Variants in GUCY1B1 observed in about 807,000 individuals in gnomAD.
The protein encoded by GUCY1B1 is guanylate cyclase soluble subunit beta-1.
Under a neutral mutation model 71.0 loss-of-function variants are expected in GUCY1B1, and 43 were observed. The ratio of observed to expected loss-of-function variants is 0.61; its 90% CI spans 0.47 to 0.78. GUCY1B1 has a LOEUF of 0.78. Among genes scored for constraint, GUCY1B1 ranks in the 30% least tolerant of loss-of-function variants. The pLI, the probability that GUCY1B1 is intolerant of heterozygous loss-of-function variation, is 0.00. For missense variants in GUCY1B1, 535 were observed against 754.1 expected (o/e 0.71, Z 3.40); for synonymous variants, 266 against 259.7 (o/e 1.02, Z -0.23).
chr4:155,776,633 G>GCACC, intron 3 of GUCY1B1, among the ~76,000 whole-genome samples: 1 of 152,098 alleles, frequency 6.6e-6, no homozygotes, highest in South Asian at 2.1e-4. Context: ...TCCTACCAGT[G>GCACC]CACTACAGCC....
rs17033497 is a variant in GUCY1B1, at chr4:155,778,397, T to C, written c.297+755T>C. 8.0e-3 allele frequency among the ~76,000 whole-genome samples: 1,214 copies of C among 152,332 alleles called. 13 individuals carry two copies. Among genetic ancestry groups the C allele is most frequent in the South Asian group, 0.021 (103 of 4,826 alleles). ...AAATGTGTTAACATTGAAAATTATATAGTTGTTTGCAAAGGATATTTCTAA... is the reference window on the plus strand; with the variant it reads ...AAATGTGTTAACATTGAAAATTATACAGTTGTTTGCAAAGGATATTTCTAA... On this transcript the variant is annotated intron_variant, in intron 4 of 13. Coordinates refer to ENST00000264424, the MANE Select transcript of GUCY1B1 (RefSeq NM_000857.5).
Position 155,802,074 on chromosome 4 carries a change from C to G in GUCY1B1, c.1176-268C>G, listed in dbSNP as rs1258013046. 4.7e-6 allele frequency: 3 copies of G among 635,146 alleles called. No individual in the cohort carries two copies. The highest frequency in any genetic ancestry group is 5.3e-6 in the Non-Finnish European group (2 of 377,908). The allele number at this position is 635,146 out of a possible 1,614,324, so 39.3% of individuals were successfully genotyped here. On this transcript the variant is annotated intron_variant, in intron 9 of 13. Coordinates refer to ENST00000264424, the MANE Select transcript of GUCY1B1 (RefSeq NM_000857.5). The surrounding 1 kb of genome is among the most constrained non-coding windows in gnomAD (Gnocchi z 4.3). ...TCTATTACCAGTCTTTTTGTTTTGTCTGTTTGCTTGGCTTATTTTGATTTG... is the reference window on the plus strand; with the variant it reads ...TCTATTACCAGTCTTTTTGTTTTGTGTGTTTGCTTGGCTTATTTTGATTTG...
intron 2 of GUCY1B1, among the ~76,000 whole-genome samples, chr4:155,762,786 C>A (rs1737081669): frequency 6.6e-6 from 1 of 152,124 alleles, no homozygotes; most frequent in Non-Finnish European, 1.5e-5. Flanking sequence ...AAAAATATAA[C>A]CACTTAAAAA....
chr4:155,792,769 G>C (rs1469641679), intron 5 of GUCY1B1, among the ~76,000 whole-genome samples: 1 of 152,022 alleles, frequency 6.6e-6, no homozygotes, highest in Non-Finnish European at 1.5e-5. Flanking sequence ...CTTTGTAAGA[G>C]GGCTCATTGC....
At chr4:155,793,109 T>G (rs1398315401) in intron 5 of GUCY1B1, among the ~76,000 whole-genome samples, 3 of 152,168 alleles carry the variant, frequency 2.0e-5, no homozygotes, top group Admixed American at 2.0e-4. Flanking sequence ...AGAGTCTCGT[T>G]CTGTCGCCCA....
rs1017131683 is a variant in GUCY1B1, at chr4:155,806,509, T to C, written c.*100T>C. ...AGTTCTTCCCTATGGATACAGATTT[T>C]CTTTTGTCCTTGTCCATTACCCCAA... is the stretch of plus-strand genomic sequence containing the variant. On this transcript the variant is annotated 3_prime_UTR_variant, in exon 14 of 14. Transcript: ENST00000264424. 2 of 764,868 alleles carry C rather than the reference T, an allele frequency of 2.6e-6. No individual in the cohort carries two copies. Among genetic ancestry groups the C allele is most frequent in the Admixed American group, 4.2e-5 (2 of 47,866 alleles). 47.4% of individuals were successfully genotyped at this position (764,868 alleles called of 1,614,324 possible).
intron 5 of GUCY1B1, 106 bp from the exon 6 acceptor site, chr4:155,793,750 T>C (rs1021795526): frequency 1.5e-5 from 9 of 617,666 alleles, no homozygotes; most frequent in Non-Finnish European, 2.3e-5. Flanking sequence ...TGAATTTTTG[T>C]AATTAATCTT....
At chr4:155,801,725 T>C (rs1438614395) in intron 9 of GUCY1B1, among the ~76,000 whole-genome samples, 2 of 152,208 alleles carry the variant, frequency 1.3e-5, no homozygotes, top group African/African-American at 4.8e-5. Context: ...TCCTGTGTGC[T>C]CACATTTGTC....
intron 4 of GUCY1B1, among the ~76,000 whole-genome samples, chr4:155,783,227 G>C (rs1738556072): frequency 6.6e-6 from 1 of 152,068 alleles, no homozygotes; most frequent in Non-Finnish European, 1.5e-5. Flanking sequence ...TATTACCCCT[G>C]GGAATAGGAG....
chr4:155,779,667 C>T (rs1184473494), intron 4 of GUCY1B1, among the ~76,000 whole-genome samples: 1 of 152,082 alleles, frequency 6.6e-6, no homozygotes, highest in African/African-American at 2.4e-5. Flanking sequence ...TGTTAAAATA[C>T]TGCTTTTCTA....
intron 4 of GUCY1B1, among the ~76,000 whole-genome samples, chr4:155,780,123 C>T (rs1738310123): frequency 6.6e-6 from 1 of 152,172 alleles, no homozygotes. Flanking sequence ...CGTTTTCTTG[C>T]TTAAACTCTG....
rs370514480 is a variant in GUCY1B1 at position 155,802,623 on chromosome 4, G to C, written c.1413+44G>C. On this transcript the variant is annotated intron_variant, in intron 10 of 13. Coordinates refer to ENST00000264424, the MANE Select transcript of GUCY1B1 (RefSeq NM_000857.5). This position sits in a 1 kb window ranked among gnomAD's most constrained non-coding sequence, Gnocchi z 4.3. ...TGACTGCAGAGCTATCCAGAGGCTGGCGTTCTGAGACTCCCCTCCAGAGGC... is the reference window on the plus strand; with the variant it reads ...TGACTGCAGAGCTATCCAGAGGCTGCCGTTCTGAGACTCCCCTCCAGAGGC... 261 of 1,492,512 alleles carry C rather than the reference G, an allele frequency of 1.7e-4. 1 individual carries two copies. The highest frequency in any genetic ancestry group is 2.2e-4 in the Non-Finnish European group (249 of 1,117,134). 92.5% of individuals were successfully genotyped at this position (1,492,512 alleles called of 1,614,324 possible). A position where few individuals can be genotyped will look rare whatever the true frequency, so the allele number is the denominator to read the frequency against.
At chr4:155,792,709 C>A (rs1331015899) in intron 5 of GUCY1B1, among the ~76,000 whole-genome samples, 1 of 151,286 alleles carries the variant, frequency 6.6e-6, no homozygotes, top group Non-Finnish European at 1.5e-5. Flanking sequence ...GAAATGTTGT[C>A]CCAAACTTTT....
At chr4:155,785,089 G>A (rs10016754) in intron 4 of GUCY1B1, among the ~76,000 whole-genome samples, 11,851 of 152,066 alleles carry the variant, frequency 0.078, 1,549 homozygotes, top group African/African-American at 0.27. Context: ...ACAGGGAGCA[G>A]AATTCCTGAG....
chr4:155,800,248 T>G (rs1739852514), intron 9 of GUCY1B1, among the ~76,000 whole-genome samples, 174 bp downstream of exon 9: 1 of 152,166 alleles, frequency 6.6e-6, no homozygotes, highest in Non-Finnish European at 1.5e-5. Flanking sequence ...AATAAACCAG[T>G]CTTAATGGTG....
chr4:155,807,092 T>C lies in GUCY1B1; in HGVS notation c.*683T>C, dbSNP rs1740367157. 6.6e-6 allele frequency: 1 copy of C among 152,186 alleles called. No individual in the cohort carries two copies. Among genetic ancestry groups the C allele is most frequent in the Admixed American group, 6.6e-5 (1 of 15,256 alleles). 9.4% of individuals were successfully genotyped at this position (152,186 alleles called of 1,614,324 possible). ...CAAATCATATGGCAATTATAATTCT[T>C]CTAAAATGCTATCATTTGTAACTGT... is the stretch of plus-strand genomic sequence containing the variant. On this transcript the variant is annotated 3_prime_UTR_variant, in exon 14 of 14. Coordinates refer to ENST00000264424, the MANE Select transcript of GUCY1B1 (RefSeq NM_000857.5).
intron 2 of GUCY1B1, among the ~76,000 whole-genome samples, chr4:155,770,008 C>T (rs1041168566): frequency 6.6e-6 from 1 of 152,036 alleles, no homozygotes; most frequent in Non-Finnish European, 1.5e-5. Context: ...ATAATTTAAG[C>T]CCATATAAAT....
Position 155,806,359 on chromosome 4 carries a change from A to G in GUCY1B1, c.1837-27A>G, listed in dbSNP as rs765967799. ...TAAACCTCACTATCACTGTAAATCA[A>G]TCCCTCTTTTCTTCTGCCTATTTAA... is the stretch of plus-strand genomic sequence containing the variant. On this transcript the variant is annotated intron_variant, in intron 13 of 13. Coordinates refer to ENST00000264424, the MANE Select transcript of GUCY1B1 (RefSeq NM_000857.5). The G allele has an allele frequency of 3.9e-6, 6 of 1,535,134 alleles. No homozygotes were observed. The Admixed American group carries it at 6.7e-5, about 17-fold the overall frequency.
Position 155,799,869 on chromosome 4 carries a change from T to C in GUCY1B1, c.978-8T>C. 2 of 1,580,340 alleles carry C rather than the reference T, an allele frequency of 1.3e-6. No individual in the cohort carries two copies. Among genetic ancestry groups the C allele is most frequent in the Non-Finnish European group, 1.7e-6 (2 of 1,152,672 alleles). ...AGACTGATCTTGCCTCATTTCTCCA[T>C]ATGACAGTGTCATGAACCTGGACGA... is the stretch of plus-strand genomic sequence containing the variant. On this transcript the variant is annotated splice_region_variant and splice_polypyrimidine_tract_variant and intron_variant, in intron 8 of 13. Coordinates refer to ENST00000264424, the MANE Select transcript of GUCY1B1 (RefSeq NM_000857.5).
Sources: gnomAD v4.1 joint callset for allele counts (sites outside exome capture counted in the v4.1 genomes callset) on GRCh38, gnomAD v4.1.1 for gene constraint, Gnocchi (gnomAD v3.1) non-coding constraint, MANE v1.5 for transcripts, NCBI Gene and HGNC (gene_info 2026-07-23, HGNC 2026-07-21) for gene names.